SLC22A13: variants seen among roughly 807,000 people sequenced by gnomAD.
SLC22A13 encodes organic anion transporter 10.
A neutral mutation model predicts 49.1 loss-of-function variants in SLC22A13; 42 were observed. That is an observed-to-expected ratio of 0.85 (90% CI 0.67 to 1.11). The LOEUF (loss-of-function observed/expected upper bound fraction) is 1.11. SLC22A13 is among the 50% of genes least tolerant of loss of function. The pLI is 0.00. For missense variants in SLC22A13, 694 were observed against 712.8 expected (o/e 0.97, Z 0.30); for synonymous variants, 282 against 293.1 (o/e 0.96, Z 0.39).
At chr3:38,268,627 C>G (rs1703487201) in intron 1 of SLC22A13, among the ~76,000 whole-genome samples, 1 of 152,166 alleles carries the variant, frequency 6.6e-6, no homozygotes, top group South Asian at 2.1e-4. Flanking sequence ...TGGAAATTAA[C>G]TTTGAAAAAT....
At chr3:38,275,845 C>T in intron 6 of SLC22A13, 37 bp from the exon 7 acceptor site, 2 of 1,590,950 alleles carry the variant, frequency 1.3e-6, no homozygotes, top group East Asian at 2.2e-5. Context: ...GGTGTCTCGT[C>T]ACCCAGCAGT....
chr3:38,265,833 C>T lies in SLC22A13; in HGVS notation c.-28C>T, dbSNP rs752328732. On this transcript the variant is annotated 5_prime_UTR_variant, in exon 1 of 10. Transcript: ENST00000311856. ...AGCTACAGAGCTACCCTAGTGTCCC[C>T]AGGCTGAGGAGGTAGTGACTGGCAT... is the stretch of plus-strand genomic sequence containing the variant. The T allele has an allele frequency of 3.3e-5, 53 of 1,609,214 alleles. No individual in the cohort carries two copies. The highest frequency in any genetic ancestry group is 4.1e-5 in the Non-Finnish European group (48 of 1,176,842).
Position 38,265,959 on chromosome 3 carries a change from C to T in SLC22A13, c.99C>T (p.Pro33=). The change falls in exon 1 of 10, where the codon CCC becomes CCT. Residue 33 remains proline, a synonymous_variant. Coordinates refer to ENST00000311856, the MANE Select transcript of SLC22A13 (RefSeq NM_004256.4). ...TGTGTGTTCTCAACTTCCTGTCTCC[C>T]TTCTACTTTTTTGCCCATGTCTTCA... ...ILLCVLNFLS[P]FYFFAHVFMV... 4 of 1,614,206 alleles carry T rather than the reference C, an allele frequency of 2.5e-6. No homozygotes were observed. The highest frequency in any genetic ancestry group is 3.4e-6 in the Non-Finnish European group (4 of 1,180,032).
rs376673298 is a variant in SLC22A13 at position 38,266,336 on chromosome 3, A to G, written c.378+98A>G. 1.7e-5 allele frequency: 24 copies of G among 1,372,050 alleles called. 1 individual carries two copies. In the African/African-American group the frequency reaches 2.0e-4, roughly 11 times the overall value. 85.0% of individuals were successfully genotyped at this position (1,372,050 alleles called of 1,614,324 possible). Reference sequence around the variant, plus strand: ...CAGTCACTGGCTCTGTATCTGCCCCATGCCCATATGGTCAACCATGGGCAC... The same window carrying G: ...CAGTCACTGGCTCTGTATCTGCCCCGTGCCCATATGGTCAACCATGGGCAC... On this transcript the variant is annotated intron_variant, in intron 1 of 9. Coordinates refer to ENST00000311856, the MANE Select transcript of SLC22A13 (RefSeq NM_004256.4).
In SLC22A13 at chr3:38,275,928, G is replaced by C; in HGVS notation, c.1069G>C (p.Asp357His). The C allele has an allele frequency of 6.2e-7, 1 of 1,614,230 alleles. No individual in the cohort carries two copies. Among genetic ancestry groups the C allele is most frequent in the Non-Finnish European group, 8.5e-7 (1 of 1,180,034 alleles). Residue 357 changes from aspartate (D) to histidine (H), a missense_variant, in exon 7 of 10, where the codon GAC becomes CAC. By Grantham distance (81) the Asp-to-His change is moderately conservative (BLOSUM62 -1). Coordinates refer to ENST00000311856, the MANE Select transcript of SLC22A13 (RefSeq NM_004256.4). ...CTACGGCCTGAGCCTCCAAGTGGGGGACTTCGGCCTGGACGTCTATCTGAC... is the reference window on the plus strand; with the variant it reads ...CTACGGCCTGAGCCTCCAAGTGGGGCACTTCGGCCTGGACGTCTATCTGAC... ...GYYGLSLQVGDFGLDVYLTQL... is the reference protein window; with the variant it reads ...GYYGLSLQVGHFGLDVYLTQL...
At position 38,275,600 on chromosome 3, in the gene SLC22A13, C is replaced by G. The variant is rs909183039; in HGVS notation, c.950C>G (p.Pro317Arg). 2 of 1,614,054 alleles carry G rather than the reference C, an allele frequency of 1.2e-6. No individual in the cohort carries two copies. The highest frequency in any genetic ancestry group is 1.3e-5 in the African/African-American group (1 of 74,930). The change falls in exon 6 of 10, where the codon CCC becomes CGC. Residue 317 changes from proline to arginine, a missense_variant. Physicochemically the swap from Pro to Arg is moderately radical, Grantham distance 103. Transcript: ENST00000311856. Reference sequence around the variant, plus strand: ...CAGCTGGTCCCAGAGAAGACAGGCCCCTCAGGGAATGCCCTGGATCTGTTC... The same window carrying G: ...CAGCTGGTCCCAGAGAAGACAGGCCGCTCAGGGAATGCCCTGGATCTGTTC... ...MNQLVPEKTG[P>R]SGNALDLFRH...
chr3:38,270,860 C>T (rs966847372), intron 1 of SLC22A13: 1 of 152,362 alleles, frequency 6.6e-6, no homozygotes, highest in African/African-American at 2.4e-5. Flanking sequence ...GGACCTCTCT[C>T]CTAGACAGTG....
chr3:38,266,334 C>T (rs1243633841), intron 1 of SLC22A13, 96 bp downstream of exon 1: 3 of 1,404,420 alleles, frequency 2.1e-6, no homozygotes, highest in African/African-American at 1.4e-5. Flanking sequence ...TGTATCTGCC[C>T]CATGCCCATA....
chr3:38,273,684 A>G (rs1448863491), intron 1 of SLC22A13, among the ~76,000 whole-genome samples: 1 of 152,256 alleles, frequency 6.6e-6, no homozygotes, highest in Non-Finnish European at 1.5e-5. Context: ...TCTCCAGGCC[A>G]AAAGAAATGC....
intron 3 of SLC22A13, 43 bp downstream of exon 3, chr3:38,274,801 C>A: frequency 1.3e-6 from 2 of 1,584,010 alleles, no homozygotes; most frequent in South Asian, 1.1e-5. Context: ...AGGGTGAGGC[C>A]CAGGGGCCTG....
Position 38,278,469 on chromosome 3 carries a change from C to A in SLC22A13, c.*1004C>A, listed in dbSNP as rs1041197720. Among the ~76,000 whole-genome samples the A allele has an allele frequency of 1.3e-5, 2 of 152,158 alleles. No homozygotes were observed. Among genetic ancestry groups the A allele is most frequent in the Non-Finnish European group, 1.5e-5 (1 of 68,030 alleles). On this transcript the variant is annotated 3_prime_UTR_variant, in exon 10 of 10. Transcript: ENST00000311856. ...CTCCTCTTGGGACCCTTCTCCAGCC[C>A]CACCCAGCATTGCTCCTACAACCTG...
At chr3:38,274,205 G>A in intron 1 of SLC22A13, 67 bp from the exon 2 acceptor site, 1 of 1,167,728 alleles carries the variant, frequency 8.6e-7, no homozygotes. Context: ...GTTTGTAGTG[G>A]GACAGGTGGT....
chr3:38,266,590 C>T (rs1027419579), intron 1 of SLC22A13, among the ~76,000 whole-genome samples: 1 of 152,092 alleles, frequency 6.6e-6, no homozygotes, highest in African/African-American at 2.4e-5. Flanking sequence ...TCTGTCTGTC[C>T]AGTTCTCTTT....
At chr3:38,270,434 G>T (rs1436773687) in intron 1 of SLC22A13, 2 of 216,686 alleles carry the variant, frequency 9.2e-6, no homozygotes, top group Admixed American at 8.3e-5. Context: ...TTTGGGTCTC[G>T]ACAAGCAAGA....
chr3:38,267,652 A>G (rs1395834607), intron 1 of SLC22A13, among the ~76,000 whole-genome samples: 1 of 152,038 alleles, frequency 6.6e-6, no homozygotes, highest in Non-Finnish European at 1.5e-5. Flanking sequence ...CTGTGCGGGG[A>G]AGTCAGAGGG....
intron 1 of SLC22A13, among the ~76,000 whole-genome samples, chr3:38,268,360 C>A (rs1244881269): frequency 6.6e-6 from 1 of 152,166 alleles, no homozygotes; most frequent in South Asian, 2.1e-4. Flanking sequence ...CTCGATGAAG[C>A]AGACCTCCAT....
Position 38,267,312 on chromosome 3 carries a change from C to G in SLC22A13, c.378+1074C>G, listed in dbSNP as rs772042360. Among the ~76,000 whole-genome samples the G allele has an allele frequency of 1.2e-3, 178 of 150,104 alleles. 1 individual carries two copies. The highest frequency in any genetic ancestry group is 3.9e-4 in the East Asian group (2 of 5,112). On this transcript the variant is annotated intron_variant, in intron 1 of 9. Coordinates refer to ENST00000311856, the MANE Select transcript of SLC22A13 (RefSeq NM_004256.4). ...GCCTGTCCTTCTCCCAACTCTCCCC[C>G]ACCCCACCCCACCCCACACCACAGG...
In SLC22A13 at chr3:38,274,585, A is replaced by T; in HGVS notation, c.483-19A>T. The T allele has an allele frequency of 6.2e-7, 1 of 1,611,304 alleles. No homozygotes were observed. On this transcript the variant is annotated intron_variant, in intron 2 of 9. Coordinates refer to ENST00000311856, the MANE Select transcript of SLC22A13 (RefSeq NM_004256.4). Reference sequence around the variant, plus strand: ...CTTCCGGGAGGGACCCTCCCCACAGACCTGCCCTGTTTCCTCAGGATTGGC... The same window carrying T: ...CTTCCGGGAGGGACCCTCCCCACAGTCCTGCCCTGTTTCCTCAGGATTGGC...
chr3:38,275,082 C>T lies in SLC22A13; in HGVS notation c.731C>T (p.Ala244Val). Residue 244 changes from alanine to valine, a missense_variant, in exon 4 of 10, where the codon GCC becomes GTC. Transcript: ENST00000311856. Reference sequence around the variant, plus strand: ...GGGCAGATGGTGCTTGCGGGACTCGCCTACGGTTTCCGCAACTGGAGGCTC... The same window carrying T: ...GGGCAGATGGTGCTTGCGGGACTCGTCTACGGTTTCCGCAACTGGAGGCTC... Reference protein sequence around the residue: ...SLGQMVLAGLAYGFRNWRLLQ... With the variant: ...SLGQMVLAGLVYGFRNWRLLQ... 6.2e-7 allele frequency: 1 copy of T among 1,614,236 alleles called. No individual in the cohort carries two copies. The highest frequency in any genetic ancestry group is 8.5e-7 in the Non-Finnish European group (1 of 1,180,016).
Sources: allele counts gnomAD v4.1 joint callset (sites outside exome capture counted in the v4.1 genomes callset), GRCh38; gene constraint gnomAD v4.1.1; transcripts MANE v1.5; gene names NCBI Gene and HGNC (gene_info 2026-07-23, HGNC 2026-07-21).